The following ROBO2 variants were observed in gnomAD, a reference collection of about 807,000 sequenced individuals.
ROBO2 encodes the protein roundabout homolog 2.
ROBO2 carries 53 observed loss-of-function variants against 160.8 expected under a neutral mutation model. The ratio of observed to expected loss-of-function variants is 0.33; its 90% CI spans 0.26 to 0.41. ROBO2 has a LOEUF of 0.41. Ranked by LOEUF, ROBO2 falls within the 10% of genes least tolerant of loss-of-function variation. The probability of loss-of-function intolerance (pLI) is 1.00; values close to 1 mark genes in which losing one functional copy is unlikely to be tolerated. For missense variants in ROBO2, 1,577 were observed against 1,722.4 expected (o/e 0.92, Z 1.49); for synonymous variants, 664 against 611.7 (o/e 1.09, Z -1.26).
At chr3:76,279,494 T>C (rs1037446551) in intron 2 of ROBO2, among the ~76,000 whole-genome samples, 1 of 152,012 alleles carries the variant, frequency 6.6e-6, no homozygotes, top group Non-Finnish European at 1.5e-5. Flanking sequence ...ATATTAGTTA[T>C]AATAGGTCTT....
chr3:76,026,070 T>A (rs886230681), intron 2 of ROBO2, among the ~76,000 whole-genome samples: 1 of 151,926 alleles, frequency 6.6e-6, no homozygotes, highest in African/African-American at 2.4e-5. Context: ...TTGATGACCA[T>A]GATTAATTTC....
intron 2 of ROBO2, among the ~76,000 whole-genome samples, chr3:76,149,043 A>C (rs572919684): frequency 1.3e-5 from 2 of 151,452 alleles, no homozygotes; most frequent in Non-Finnish European, 1.5e-5. Context: ...TTAAGCCTCA[A>C]TTTTTCTCGT....
chr3:77,057,978 T>C (rs1322274127), intron 1 of ROBO2, among the ~76,000 whole-genome samples: 1 of 152,092 alleles, frequency 6.6e-6, no homozygotes, highest in Non-Finnish European at 1.5e-5. Flanking sequence ...TATCCAGAAC[T>C]TAAAGTAAAA....
chr3:77,458,651 ATTCAAAGAAGCAAGT>A (rs1560892554), intron 2 of ROBO2, among the ~76,000 whole-genome samples: 2 of 151,806 alleles, frequency 1.3e-5, no homozygotes, highest in Non-Finnish European at 2.9e-5. Context: ...TTAGGGATTT[ATTCAAAGAAGCAAGT>A]GTCATCATGA....
At chr3:76,606,758 G>C (rs2087691981) in intron 2 of ROBO2, among the ~76,000 whole-genome samples, 1 of 151,884 alleles carries the variant, frequency 6.6e-6, no homozygotes, top group Admixed American at 6.6e-5. Context: ...AGAAACCAGA[G>C]GATTAATGGT....
At chr3:76,056,905 C>T (rs1279600141) in intron 2 of ROBO2, among the ~76,000 whole-genome samples, 1 of 151,570 alleles carries the variant, frequency 6.6e-6, no homozygotes, top group Non-Finnish European at 1.5e-5. Flanking sequence ...TTCAATCCCT[C>T]ATTAAAACAA....
rs200738328 is a variant in ROBO2 at position 76,436,193 on chromosome 3, C to CT, written c.109+498600dup. On this transcript the variant is annotated intron_variant, in intron 2 of 26. Coordinates refer to the ROBO2 transcript ENST00000487694. ...ACACACACACACACCATTTCTTTTT[C>CT]TTTTTTTTTATTTTTTTATTATTAT... Among the ~76,000 whole-genome samples the CT allele has an allele frequency of 2.5e-3, 379 of 151,102 alleles. 1 individual carries two copies. Among genetic ancestry groups the CT allele is most frequent in the African/African-American group, 8.5e-3 (348 of 40,836 alleles).
At chr3:76,915,358 G>A (rs778362798) in intron 2 of ROBO2, among the ~76,000 whole-genome samples, 69 of 152,116 alleles carry the variant, frequency 4.5e-4, no homozygotes, top group Non-Finnish European at 9.6e-4. Context: ...TTGTGAAAAA[G>A]AGCTTAAAGA....
At chr3:77,034,950 C>T (rs1413122118), upstream of ROBO2, among the ~76,000 whole-genome samples, 1 of 151,606 alleles carries the variant, frequency 6.6e-6, no homozygotes, top group African/African-American at 2.4e-5. Context: ...GAAGTTAAGC[C>T]ATATACTAAA....
intron 1 of ROBO2, among the ~76,000 whole-genome samples, chr3:75,907,374 C>T (rs565550015): frequency 6.6e-6 from 1 of 151,974 alleles, no homozygotes; most frequent in African/African-American, 2.4e-5. Context: ...CAGAATGTGA[C>T]GGGGCAACCT....
chr3:76,945,583 T>C (rs1001803871), intron 2 of ROBO2, among the ~76,000 whole-genome samples: 18 of 152,218 alleles, frequency 1.2e-4, no homozygotes, highest in Non-Finnish European at 1.5e-5. Flanking sequence ...TCAGGGTGTA[T>C]CAGTCCATTT....
exon 1 of ROBO2, chr3:77,040,647 G>T: frequency 6.5e-7 from 1 of 1,548,926 alleles, no homozygotes; most frequent in Non-Finnish European, 8.7e-7. Flanking sequence ...CTGATCTTGC[G>T]ATTTGCTCTT....
chr3:76,747,226 TGTTTA>T (rs2093908593), intron 2 of ROBO2, among the ~76,000 whole-genome samples: 1 of 152,144 alleles, frequency 6.6e-6, no homozygotes, highest in Non-Finnish European at 1.5e-5. Context: ...AAACAACATC[TGTTTA>T]GTTTAGTTGA....
chr3:76,002,202 T>A (rs949810997), intron 2 of ROBO2, among the ~76,000 whole-genome samples: 8 of 152,084 alleles, frequency 5.3e-5, no homozygotes, highest in African/African-American at 1.9e-4. Flanking sequence ...TGGGCCCTAA[T>A]CCAATATGAC....
At chr3:76,923,450 T>G (rs1017421207) in intron 2 of ROBO2, among the ~76,000 whole-genome samples, 1 of 152,180 alleles carries the variant, frequency 6.6e-6, no homozygotes, top group African/African-American at 2.4e-5. Flanking sequence ...TGGGTGCGAA[T>G]GTGTATATGA....
intron 2 of ROBO2, among the ~76,000 whole-genome samples, chr3:77,010,864 C>A (rs1239531689): frequency 3.6e-5 from 4 of 110,004 alleles, no homozygotes; most frequent in African/African-American, 1.3e-4. Flanking sequence ...CTCCCTCCCT[C>A]CCTACCTTCC....
At chr3:77,499,564 G>T (rs1204334713) in intron 5 of ROBO2, among the ~76,000 whole-genome samples, 2 of 151,058 alleles carry the variant, frequency 1.3e-5, no homozygotes, top group East Asian at 3.9e-4. Flanking sequence ...TATATAATTT[G>T]TATATAATGA....
intron 2 of ROBO2, among the ~76,000 whole-genome samples, chr3:77,238,486 C>T (rs2151339915): frequency 6.6e-6 from 1 of 152,090 alleles, no homozygotes; most frequent in African/African-American, 2.4e-5. Context: ...TATTATTTTC[C>T]ATTTTGCCAA....
intron 2 of ROBO2, among the ~76,000 whole-genome samples, chr3:76,310,079 C>T (rs1325932644): frequency 6.6e-6 from 1 of 151,924 alleles, no homozygotes; most frequent in Non-Finnish European, 1.5e-5. Flanking sequence ...GCCTTGGCCT[C>T]CCAAAGTGCT....
Sources: gnomAD v4.1 joint callset for allele counts (sites outside exome capture counted in the v4.1 genomes callset) on GRCh38, gnomAD v4.1.1 for gene constraint, MANE v1.5 for transcripts, NCBI Gene and HGNC (gene_info 2026-07-23, HGNC 2026-07-21) for gene names.